ADCY8: variants seen among roughly 807,000 people sequenced by gnomAD.
ADCY8 encodes adenylate cyclase type 8.
In ADCY8, 51 loss-of-function variants were observed where a neutral mutation model predicts 119.7. The observed-to-expected ratio is 0.43, with a 90% CI of 0.34 to 0.54. ADCY8 has a LOEUF of 0.54. ADCY8 is among the 20% of genes least tolerant of loss of function. ADCY8 has a pLI of 0.03. For missense variants in ADCY8, 1,383 were observed against 1,598.8 expected (o/e 0.87, Z 2.30); for synonymous variants, 665 against 651.0 (o/e 1.02, Z -0.33).
intron 1 of ADCY8, among the ~76,000 whole-genome samples, chr8:131,010,098 A>C (rs1161483323): frequency 6.6e-6 from 1 of 152,238 alleles, no homozygotes; most frequent in Non-Finnish European, 1.5e-5. Flanking sequence ...CCCAAGAATT[A>C]CATATTTACA....
At chr8:130,966,928 G>A (rs1821779507) in intron 2 of ADCY8, among the ~76,000 whole-genome samples, 1 of 152,028 alleles carries the variant, frequency 6.6e-6, no homozygotes, top group Admixed American at 6.5e-5. Context: ...CATTGTTTTT[G>A]AACTTTAATT....
rs184451605 is a variant in ADCY8, at chr8:130,868,047, A to T, written c.2110-101T>A. On this transcript the variant is annotated intron_variant, in intron 8 of 17. Transcript: ENST00000286355. ...GAAACAAGGCAATTAGATTTTTTTTAAATTAAGAATAATTCATATCTTAAT... is the reference window on the plus strand; with the variant it reads ...GAAACAAGGCAATTAGATTTTTTTTTAATTAAGAATAATTCATATCTTAAT... The T allele has an allele frequency of 4.6e-4, 331 of 714,450 alleles. 1 individual carries two copies. The highest frequency in any genetic ancestry group is 1.9e-3 in the Middle Eastern group (5 of 2,578). 44.3% of individuals were successfully genotyped at this position (714,450 alleles called of 1,614,324 possible).
chr8:130,967,117 T>C (rs1008164467), intron 2 of ADCY8, among the ~76,000 whole-genome samples: 1 of 152,212 alleles, frequency 6.6e-6, no homozygotes, highest in Non-Finnish European at 1.5e-5. Flanking sequence ...TTTGGGTTTA[T>C]ATATTAAAGG....
At chr8:130,933,930 T>G (rs780458457) in intron 5 of ADCY8, among the ~76,000 whole-genome samples, 1 of 152,052 alleles carries the variant, frequency 6.6e-6, no homozygotes, top group South Asian at 2.1e-4. Context: ...TTTTCAGAAC[T>G]GGTGGAGACT....
At chr8:130,912,423 G>A (rs1820010027) in intron 5 of ADCY8, among the ~76,000 whole-genome samples, 1 of 152,102 alleles carries the variant, frequency 6.6e-6, no homozygotes, top group African/African-American at 2.4e-5. Context: ...AAGAGTATAA[G>A]GTCCTCGAAG....
At chr8:130,906,594 A>G (rs1819794441) in intron 6 of ADCY8, among the ~76,000 whole-genome samples, 1 of 152,104 alleles carries the variant, frequency 6.6e-6, no homozygotes, top group South Asian at 2.1e-4. Context: ...CCTTGTTACT[A>G]ACTTGAGCTT....
At position 130,908,521 on chromosome 8, in the gene ADCY8, C is replaced by T. The variant is rs78358285; in HGVS notation, c.1640+1187G>A. On this transcript the variant is annotated intron_variant, in intron 6 of 17. Transcript: ENST00000286355. ...TCCCTGCACAGTGTACAAAAAAAAG[C>T]GCTTCATACCCATTGCCTGAGATAA... is the stretch of plus-strand genomic sequence containing the variant. Among the ~76,000 whole-genome samples, 942 of 152,256 alleles carry T rather than the reference C, an allele frequency of 6.2e-3. 9 individuals carry two copies. Among genetic ancestry groups the T allele is most frequent in the African/African-American group, 0.021 (883 of 41,540 alleles).
intron 1 of ADCY8, among the ~76,000 whole-genome samples, chr8:131,021,252 C>T (rs376978585): frequency 1.3e-5 from 2 of 152,110 alleles, no homozygotes; most frequent in South Asian, 4.1e-4. Context: ...GGTGCCTAGT[C>T]GTATCATCAG....
chr8:130,828,424 A>G (rs908762937), intron 12 of ADCY8, among the ~76,000 whole-genome samples: 5 of 151,938 alleles, frequency 3.3e-5, no homozygotes, highest in African/African-American at 1.2e-4. Flanking sequence ...TCTGGAGAGC[A>G]CATGGCATTT....
intron 10 of ADCY8, among the ~76,000 whole-genome samples, chr8:130,849,115 G>A (rs16904375): frequency 0.13 from 19,339 of 152,102 alleles, 1,680 homozygotes; most frequent in African/African-American, 0.25. Context: ...TTAGAGGGGC[G>A]TGGGTCATGG....
At chr8:130,833,005 T>G (rs1816884196) in intron 12 of ADCY8, among the ~76,000 whole-genome samples, 1 of 152,186 alleles carries the variant, frequency 6.6e-6, no homozygotes, top group Admixed American at 6.5e-5. Context: ...TTGTAGATGG[T>G]TTTACTTTTA....
At chr8:130,945,891 T>C (rs1268020994) in intron 3 of ADCY8, among the ~76,000 whole-genome samples, 2 of 152,228 alleles carry the variant, frequency 1.3e-5, no homozygotes, top group East Asian at 3.9e-4. Flanking sequence ...GGAGAACCTA[T>C]CATGTTCTTC....
chr8:130,780,940 C>A, intron 17 of ADCY8, 63 bp from the exon 18 acceptor site: 1 of 1,577,786 alleles, frequency 6.3e-7, no homozygotes, highest in South Asian at 1.2e-5. Context: ...GGTGTTTGGA[C>A]CCCTCCCTGG....
At chr8:130,885,355 T>C (rs1818942558) in intron 7 of ADCY8, among the ~76,000 whole-genome samples, 1 of 152,042 alleles carries the variant, frequency 6.6e-6, no homozygotes, top group African/African-American at 2.4e-5. Context: ...CCATTATATA[T>C]CTATATATTC....
chr8:130,893,171 G>A (rs1029051609), intron 7 of ADCY8, among the ~76,000 whole-genome samples: 8 of 152,256 alleles, frequency 5.3e-5, no homozygotes, highest in Middle Eastern at 3.4e-3. Flanking sequence ...CCACTTTGAC[G>A]CCACATGATT....
intron 1 of ADCY8, among the ~76,000 whole-genome samples, chr8:131,007,653 T>G (rs2130774154): frequency 6.6e-6 from 1 of 152,358 alleles, no homozygotes; most frequent in Non-Finnish European, 1.5e-5. Flanking sequence ...TACAAATCTG[T>G]TTTGTTTGCA....
In ADCY8 at chr8:130,951,933, A is replaced by G; in HGVS notation, c.1176T>C (p.Asn392=). ...VVLEMINDMT[N]VEDEHLQHQF... ...GGTGCTGCAGGTGCTCATCTTCCAC[A>G]TTGGTCATGTCGTTGATCATTTCCA... The change falls in exon 3 of 18, where the codon AAT becomes AAC. Residue 392 remains asparagine, a synonymous_variant. Transcript: ENST00000286355. The G allele has an allele frequency of 1.2e-6, 2 of 1,614,088 alleles. No homozygotes were observed. The highest frequency in any genetic ancestry group is 1.7e-6 in the Non-Finnish European group (2 of 1,179,996).
At chr8:130,884,376 C>G (rs1234885772) in intron 8 of ADCY8, among the ~76,000 whole-genome samples, 188 bp downstream of exon 8, 2 of 152,146 alleles carry the variant, frequency 1.3e-5, no homozygotes, top group African/African-American at 4.8e-5. Context: ...TAATCTAACT[C>G]TCATCTCCTT....
At chr8:130,880,844 A>G (rs1818743720) in intron 8 of ADCY8, among the ~76,000 whole-genome samples, 1 of 152,236 alleles carries the variant, frequency 6.6e-6, no homozygotes, top group South Asian at 2.1e-4. Flanking sequence ...AAACCAGGAC[A>G]TATGGCCACC....
Sources: allele counts gnomAD v4.1 joint callset (sites outside exome capture counted in the v4.1 genomes callset), GRCh38; gene constraint gnomAD v4.1.1; transcripts MANE v1.5; gene names NCBI Gene and HGNC (gene_info 2026-07-23, HGNC 2026-07-21).